Variants in MTUS2 observed in about 807,000 individuals in gnomAD.
MTUS2 encodes the protein microtubule associated scaffold protein 2.
In MTUS2, 40 loss-of-function variants were observed where a neutral mutation model predicts 114.1. That is an observed-to-expected ratio of 0.35 (90% CI 0.27 to 0.46). The LOEUF (loss-of-function observed/expected upper bound fraction) is 0.46. MTUS2 is among the 20% of genes least tolerant of loss of function. The pLI is 1.00. For synonymous variants in MTUS2, 688 were observed against 672.0 expected (o/e 1.02, Z -0.37); for missense variants, 1,679 against 1,705.4 (o/e 0.98, Z 0.27).
At chr13:29,244,672 C>A (rs2139407407) in intron 5 of MTUS2, among the ~76,000 whole-genome samples, 1 of 152,194 alleles carries the variant, frequency 6.6e-6, no homozygotes, top group East Asian at 1.9e-4. Context: ...AAGTAAAAGT[C>A]TGGGCCGGGC....
intron 9 of MTUS2, among the ~76,000 whole-genome samples, chr13:29,460,356 A>T (rs143267393): frequency 4.7e-4 from 72 of 152,190 alleles, no homozygotes; most frequent in African/African-American, 1.7e-3. Flanking sequence ...TTAGGACTGG[A>T]TTTGTTGGTT....
At chr13:29,027,670 G>A (rs60782582) in intron 3 of MTUS2, among the ~76,000 whole-genome samples, 5,160 of 152,262 alleles carry the variant, frequency 0.034, 131 homozygotes, top group East Asian at 0.11. Flanking sequence ...TCCTGCCTCA[G>A]CTTCCCTAGT....
intron 8 of MTUS2, among the ~76,000 whole-genome samples, chr13:29,416,082 A>ATTTTTTTT (rs139281629): frequency 1.3e-4 from 17 of 127,732 alleles, no homozygotes; most frequent in Non-Finnish European, 1.4e-4. Context: ...CACCCCACTA[A>ATTTTTTTT]TTTTTTTTTT....
intron 5 of MTUS2, among the ~76,000 whole-genome samples, chr13:29,128,667 A>G (rs1012227795): frequency 6.6e-6 from 1 of 152,150 alleles, no homozygotes; most frequent in Admixed American, 6.5e-5. Flanking sequence ...ATTTGGGGTA[A>G]TTTTAGTTTT....
intron 8 of MTUS2, among the ~76,000 whole-genome samples, chr13:29,391,727 T>C (rs940309613): frequency 1.3e-5 from 2 of 151,860 alleles, no homozygotes; most frequent in African/African-American, 4.8e-5. Context: ...TAAACATAAA[T>C]ACACAACAAA....
intron 6 of MTUS2, among the ~76,000 whole-genome samples, chr13:29,293,677 A>G (rs1429810168): frequency 6.6e-6 from 1 of 152,138 alleles, no homozygotes; most frequent in Non-Finnish European, 1.5e-5. Context: ...AGTTGGAAAC[A>G]ATCTAAATAT....
intron 2 of MTUS2, among the ~76,000 whole-genome samples, chr13:28,913,020 G>C (rs897905471): frequency 6.6e-6 from 1 of 152,070 alleles, no homozygotes; most frequent in African/African-American, 2.4e-5. Context: ...GGGCTGAGAC[G>C]ATGGGGTTTT....
chr13:29,098,875 C>G (rs1469389004), intron 4 of MTUS2, among the ~76,000 whole-genome samples: 1 of 152,146 alleles, frequency 6.6e-6, no homozygotes, highest in Non-Finnish European at 1.5e-5. Context: ...TTCATATTCT[C>G]CTCACTCGAT....
At position 28,958,264 on chromosome 13, in the gene MTUS2, G is replaced by A. The variant is rs142747959; in HGVS notation, c.-242-66193G>A. 2.6e-4 allele frequency among the ~76,000 whole-genome samples: 40 copies of A among 152,330 alleles called. No individual in the cohort carries two copies. The South Asian group carries it at 2.9e-3, about 11-fold the overall frequency. On this transcript the variant is annotated intron_variant, in intron 2 of 15. Transcript: ENST00000612955. ...TTTGTAGAGCCACCAGGCGGAGGGC[G>A]TTTTCCCAGCTGTCTGTACTTGGCG...
intron 2 of MTUS2, among the ~76,000 whole-genome samples, chr13:28,852,901 A>ATACATACATACATACT (rs1876376968): frequency 1.2e-4 from 1 of 8,536 alleles, no homozygotes; most frequent in Non-Finnish European, 3.1e-4. Flanking sequence ...TCTGTCTTAA[A>ATACATACATACATACT]TACATACATA....
intron 8 of MTUS2, among the ~76,000 whole-genome samples, chr13:29,437,623 T>A (rs367621875): frequency 6.6e-6 from 1 of 152,072 alleles, no homozygotes; most frequent in Admixed American, 6.6e-5. Context: ...TTAAGCAAAA[T>A]CAGGGCAGAC....
intron 5 of MTUS2, among the ~76,000 whole-genome samples, chr13:29,166,520 C>A (rs1479700908): frequency 1.3e-5 from 2 of 152,160 alleles, no homozygotes; most frequent in African/African-American, 4.8e-5. Context: ...CTTTCTGAAT[C>A]CTCTAGTAAT....
intron 4 of MTUS2, among the ~76,000 whole-genome samples, chr13:29,036,141 CAAA>C (rs397851632): frequency 9.5e-5 from 3 of 31,660 alleles, no homozygotes; most frequent in African/African-American, 2.2e-4. Context: ...GAGACTGTCT[CAAA>C]AAAAAAAAAA....
chr13:28,845,342 C>A (rs1875799515), intron 2 of MTUS2, among the ~76,000 whole-genome samples: 1 of 152,200 alleles, frequency 6.6e-6, no homozygotes, highest in Non-Finnish European at 1.5e-5. Context: ...TATTCACTAC[C>A]ATTTTCCTGA....
chr13:28,976,264 G>A (rs886836411), intron 2 of MTUS2, among the ~76,000 whole-genome samples: 2 of 151,624 alleles, frequency 1.3e-5, no homozygotes, highest in African/African-American at 4.8e-5. Context: ...AAGATGGGAG[G>A]GTGTTCCAGG....
chr13:28,928,899 A>G (rs146316439), intron 2 of MTUS2, among the ~76,000 whole-genome samples: 3 of 152,322 alleles, frequency 2.0e-5, no homozygotes, highest in African/African-American at 7.2e-5. Flanking sequence ...AGCCCCACAG[A>G]TATGTGTGCG....
chr13:29,030,354 T>A (rs970114987), intron 3 of MTUS2, among the ~76,000 whole-genome samples: 1 of 152,156 alleles, frequency 6.6e-6, no homozygotes, highest in African/African-American at 2.4e-5. Flanking sequence ...AATTTATTTG[T>A]TTTTGGGCCT....
intron 12 of MTUS2, among the ~76,000 whole-genome samples, chr13:29,493,834 T>TGA (rs1882356338): frequency 6.6e-6 from 1 of 152,002 alleles, no homozygotes; most frequent in African/African-American, 2.4e-5. Flanking sequence ...CCCAAAGAAA[T>TGA]GAGAGTTTTG....
chr13:29,179,465 C>A (rs12858732), intron 5 of MTUS2, among the ~76,000 whole-genome samples: 22,527 of 152,048 alleles, frequency 0.15, 1,847 homozygotes, highest in East Asian at 0.3. Context: ...TACATAACAG[C>A]AACAGTGGTA....
Sources: gnomAD v4.1 joint callset for allele counts (sites outside exome capture counted in the v4.1 genomes callset) on GRCh38, gnomAD v4.1.1 for gene constraint, MANE v1.5 for transcripts, NCBI Gene and HGNC (gene_info 2026-07-23, HGNC 2026-07-21) for gene names.